Variants in SLFN12L observed in about 807,000 individuals in gnomAD.
The protein encoded by SLFN12L is schlafen family member 12 like.
SLFN12L carries 34 observed loss-of-function variants against 34.8 expected under a neutral mutation model. That is an observed-to-expected ratio of 0.98 (90% confidence interval 0.74 to 1.30). The LOEUF (loss-of-function observed/expected upper bound fraction) is 1.30, where lower values mean the gene tolerates loss of function less well. Among genes scored for constraint, SLFN12L ranks in the 50% most tolerant of loss-of-function variants. The pLI, the probability that SLFN12L is intolerant of heterozygous loss-of-function variation, is 0.00. For missense variants in SLFN12L, 703 were observed against 696.2 expected (o/e 1.01, Z -0.11); for synonymous variants, 259 against 247.5 (o/e 1.05, Z -0.44).
chr17:35,532,763 G>A (rs2072424017), intron 1 of SLFN12L, among the ~76,000 whole-genome samples: 1 of 151,832 alleles, frequency 6.6e-6, no homozygotes, highest in African/African-American at 2.4e-5. Context: ...CATGATGGCA[G>A]GTGCCTGTAA....
At chr17:35,499,774 C>G (rs1042282697) in intron 2 of SLFN12L, 26 of 236,690 alleles carry the variant, frequency 1.1e-4, no homozygotes, top group Non-Finnish European at 1.6e-4. Context: ...AGTAGAGTTG[C>G]TAGCTCTCCC....
rs1913736429 is a variant in SLFN12L at position 35,467,627 on chromosome 17, C to T, written c.*7296G>A. ...GTTCCAGTCCAACAAATGGACCTCT[C>T]AATGGGTCTTTATCTTGCCCCAGGC... On this transcript the variant is annotated 3_prime_UTR_variant, in exon 5 of 5. Transcript: ENST00000628453. Among the ~76,000 whole-genome samples the T allele has an allele frequency of 6.6e-6, 1 of 152,164 alleles. No homozygotes were observed. The highest frequency in any genetic ancestry group is 1.5e-5 in the Non-Finnish European group (1 of 68,030).
intron 2 of SLFN12L, among the ~76,000 whole-genome samples, chr17:35,519,116 C>T (rs942262840): frequency 4.6e-5 from 7 of 152,166 alleles, no homozygotes; most frequent in African/African-American, 7.2e-5. Flanking sequence ...CATGTTCTCA[C>T]TTATGAGTGG....
intron 2 of SLFN12L, among the ~76,000 whole-genome samples, chr17:35,515,441 G>C (rs1414538164): frequency 2.0e-5 from 3 of 152,000 alleles, no homozygotes; most frequent in Admixed American, 6.6e-5. Flanking sequence ...TGTTTCTTTT[G>C]TTTTAGTTTA....
Position 35,472,242 on chromosome 17 carries a change from G to A in SLFN12L, c.*2681C>T, listed in dbSNP as rs1481459434. ...TATCTTGAGTTAATTTTTGTATAAAGTGTAAGGAAGGGATCCAGTTTCAGT... is the reference window on the plus strand; with the variant it reads ...TATCTTGAGTTAATTTTTGTATAAAATGTAAGGAAGGGATCCAGTTTCAGT... On this transcript the variant is annotated 3_prime_UTR_variant, in exon 5 of 5. Transcript: ENST00000628453. Among the ~76,000 whole-genome samples, 1 of 152,146 alleles carries A rather than the reference G, an allele frequency of 6.6e-6. No individual in the cohort carries two copies. Among genetic ancestry groups the A allele is most frequent in the Non-Finnish European group, 1.5e-5 (1 of 68,020 alleles).
chr17:35,499,088 T>C (rs1034101890), intron 2 of SLFN12L: 5 of 837,036 alleles, frequency 6.0e-6, no homozygotes, highest in African/African-American at 1.7e-5. Context: ...GTATAAAACT[T>C]TGGAGCTTAC....
chr17:35,467,953 A>C lies in SLFN12L; in HGVS notation c.*6970T>G, dbSNP rs1913741355. On this transcript the variant is annotated 3_prime_UTR_variant, in exon 5 of 5. Coordinates refer to ENST00000628453, the MANE Select transcript of SLFN12L (RefSeq NM_001363830.2). The stretch of plus-strand genomic sequence containing the variant: ...GAGACAAGGTCTCACTCTGTTACCC[A>C]GGCTGGAGTGCAGTGGCGTGATCAC... Among the ~76,000 whole-genome samples the C allele has an allele frequency of 1.3e-5, 2 of 152,288 alleles. No homozygotes were observed. Among genetic ancestry groups the C allele is most frequent in the East Asian group, 1.9e-4 (1 of 5,184 alleles).
At chr17:35,497,617 A>G (rs1373016024) in intron 2 of SLFN12L, among the ~76,000 whole-genome samples, 1 of 152,070 alleles carries the variant, frequency 6.6e-6, no homozygotes, top group African/African-American at 2.4e-5. Context: ...CAATGAATAC[A>G]CTCATCTGAC....
intron 2 of SLFN12L, among the ~76,000 whole-genome samples, chr17:35,485,990 T>C (rs1332664517): frequency 6.6e-6 from 1 of 152,240 alleles, no homozygotes; most frequent in African/African-American, 2.4e-5. Flanking sequence ...ATTCAGGCTC[T>C]TTTTTGGTTG....
At chr17:35,494,131 A>G (rs1393342493) in intron 2 of SLFN12L, among the ~76,000 whole-genome samples, 1 of 152,218 alleles carries the variant, frequency 6.6e-6, no homozygotes, top group African/African-American at 2.4e-5. Flanking sequence ...TTTTGTAAAA[A>G]GGAAGTATTT....
chr17:35,498,802 A>G, intron 2 of SLFN12L: 3 of 886,766 alleles, frequency 3.4e-6, no homozygotes, highest in Admixed American at 4.4e-5. Flanking sequence ...TTACTTATTC[A>G]TCTTGATGTG....
intron 2 of SLFN12L, among the ~76,000 whole-genome samples, chr17:35,503,892 A>G (rs1249535168): frequency 6.6e-6 from 1 of 152,064 alleles, no homozygotes; most frequent in African/African-American, 2.4e-5. Flanking sequence ...CATACAGCAG[A>G]AAAGGAATGG....
chr17:35,516,042 A>G (rs1055757479), intron 2 of SLFN12L, among the ~76,000 whole-genome samples: 2 of 152,130 alleles, frequency 1.3e-5, no homozygotes, highest in African/African-American at 2.4e-5. Flanking sequence ...TACTAGATTT[A>G]TATAAACACT....
chr17:35,472,980 G>C lies in SLFN12L; in HGVS notation c.*1943C>G, dbSNP rs138559874. On this transcript the variant is annotated 3_prime_UTR_variant, in exon 5 of 5. Coordinates refer to ENST00000628453, the MANE Select transcript of SLFN12L (RefSeq NM_001363830.2). ...CTATTGTTGGTGTAATGGAATGCTTGTGACTTTTGCACATTGATTTTGTAT... is the reference window on the plus strand; with the variant it reads ...CTATTGTTGGTGTAATGGAATGCTTCTGACTTTTGCACATTGATTTTGTAT... Among the ~76,000 whole-genome samples the C allele has an allele frequency of 6.6e-6, 1 of 152,072 alleles. No individual in the cohort carries two copies. Among genetic ancestry groups the C allele is most frequent in the Admixed American group, 6.5e-5 (1 of 15,272 alleles).
intron 4 of SLFN12L, 34 bp downstream of exon 4, chr17:35,478,041 A>G: frequency 2.2e-6 from 3 of 1,368,248 alleles, no homozygotes; most frequent in Non-Finnish European, 2.0e-6. Flanking sequence ...ACACAGTTAC[A>G]CCAACAACTC....
At chr17:35,526,385 T>A (rs1162888896) in intron 1 of SLFN12L, among the ~76,000 whole-genome samples, 2 of 152,120 alleles carry the variant, frequency 1.3e-5, no homozygotes, top group Admixed American at 6.5e-5. Flanking sequence ...ACCTTTCCAC[T>A]GCAAATCAGC....
At chr17:35,497,315 C>T (rs935453303) in intron 2 of SLFN12L, among the ~76,000 whole-genome samples, 5 of 152,142 alleles carry the variant, frequency 3.3e-5, no homozygotes, top group Admixed American at 2.6e-4. Flanking sequence ...CGCTTGAACC[C>T]GGGAGGCGGA....
At chr17:35,531,131 G>A (rs905512752) in intron 1 of SLFN12L, among the ~76,000 whole-genome samples, 5 of 152,174 alleles carry the variant, frequency 3.3e-5, no homozygotes, top group Non-Finnish European at 7.4e-5. Flanking sequence ...GTAAGGGCAG[G>A]AGGAAATTGA....
At position 35,470,819 on chromosome 17, in the gene SLFN12L, AC is replaced by A. The variant is rs1913794903; in HGVS notation, c.*4103del. Among the ~76,000 whole-genome samples the A allele has an allele frequency of 6.7e-6, 1 of 149,712 alleles. No homozygotes were observed. The highest frequency in any genetic ancestry group is 2.0e-4 in the East Asian group (1 of 5,108). ...TGAGTTCCCTCCCCTCACTCTCCCC[AC>A]CCCACAACAGGCCCTGGTGTGTGTT... is the stretch of plus-strand genomic sequence containing the variant. On this transcript the variant is annotated 3_prime_UTR_variant, in exon 5 of 5. Coordinates refer to ENST00000628453, the MANE Select transcript of SLFN12L (RefSeq NM_001363830.2).
Sources: gnomAD v4.1 joint callset for allele counts (sites outside exome capture counted in the v4.1 genomes callset) on GRCh38, gnomAD v4.1.1 for gene constraint, MANE v1.5 for transcripts, NCBI Gene and HGNC (gene_info 2026-07-23, HGNC 2026-07-21) for gene names.